Variants in ARHGAP39 observed in about 807,000 individuals in gnomAD.
ARHGAP39 encodes rho GTPase-activating protein 39.
A neutral mutation model predicts 106.9 loss-of-function variants in ARHGAP39; 44 were observed. The ratio of observed to expected loss-of-function variants is 0.41; its 90% CI spans 0.32 to 0.53. ARHGAP39 has a LOEUF of 0.53. ARHGAP39 is among the 20% of genes least tolerant of loss of function. The pLI is 0.21. For synonymous variants in ARHGAP39, 768 were observed against 693.2 expected (o/e 1.11, Z -1.69); for missense variants, 1,496 against 1,577.3 (o/e 0.95, Z 0.87).
At chr8:144,676,777 GAGCC>G (rs1822253822) in intron 1 of ARHGAP39, among the ~76,000 whole-genome samples, 1 of 152,244 alleles carries the variant, frequency 6.6e-6, no homozygotes. Context: ...CGAGCAGAGG[GAGCC>G]GGCTCTGGCC....
upstream of ARHGAP39, among the ~76,000 whole-genome samples, chr8:144,686,995 G>A (rs1472264487): frequency 3.9e-3 from 267 of 68,750 alleles, 32 homozygotes; most frequent in Middle Eastern, 0.019. Flanking sequence ...ACCACACACT[G>A]GCGGCGACCA....
At chr8:144,577,040 A>G (rs1052235648) in intron 3 of ARHGAP39, among the ~76,000 whole-genome samples, 4 of 152,166 alleles carry the variant, frequency 2.6e-5, no homozygotes, top group African/African-American at 4.8e-5. Flanking sequence ...ACACGCCACG[A>G]ATGTCTTTTA....
intron 3 of ARHGAP39, among the ~76,000 whole-genome samples, chr8:144,570,055 T>C (rs1027306726): frequency 3.3e-5 from 5 of 152,070 alleles, no homozygotes; most frequent in African/African-American, 9.7e-5. Context: ...ACCCCGTCTC[T>C]ACTAAAAATA....
At chr8:144,590,529 C>T (rs1021882197) in intron 2 of ARHGAP39, among the ~76,000 whole-genome samples, 1 of 152,060 alleles carries the variant, frequency 6.6e-6, no homozygotes, top group Non-Finnish European at 1.5e-5. Context: ...AGAAGCTGAG[C>T]AGATGCTGGC....
rs973591401 is a variant in ARHGAP39, at chr8:144,605,544, G to A, written c.71C>T (p.Ser24Leu). 16 of 1,613,768 alleles carry A rather than the reference G, an allele frequency of 9.9e-6. No individual in the cohort carries two copies. The highest frequency in any genetic ancestry group is 5.3e-5 in the African/African-American group (4 of 74,886). The change falls in exon 2 of 12, where the codon TCG becomes TTG. Residue 24 changes from serine (S) to leucine (L), a missense_variant. Ser to Leu is a moderately radical substitution (Grantham distance 145, BLOSUM62 -2). Coordinates refer to ENST00000377307, the MANE Select transcript of ARHGAP39 (RefSeq NM_025251.3). ...TCGGTCGGCTCCTTACCGAGTGTTCGACCCTGGAATCCTCGACTCCGGCAG... is the reference window on the plus strand; with the variant it reads ...TCGGTCGGCTCCTTACCGAGTGTTCAACCCTGGAATCCTCGACTCCGGCAG... ...VDLPESRIPG[S>L]NTRLEWVEII... is the part of the protein sequence containing the mutation.
intron 3 of ARHGAP39, among the ~76,000 whole-genome samples, chr8:144,558,984 G>A (rs753048503): frequency 2.0e-5 from 3 of 151,972 alleles, no homozygotes; most frequent in South Asian, 2.1e-4. Flanking sequence ...CAAGGTGGGC[G>A]GATCACAAGG....
rs965086455 is a variant in ARHGAP39, at chr8:144,670,696, C to G, written c.-82+14990G>C. ...TTCTCCTGCAGGCCCCAGACTCAAT[C>G]TCCCTCCTGGAGGCTTGCCCTGAGC... On this transcript the variant is annotated intron_variant, in intron 1 of 11. Coordinates refer to ENST00000377307, the MANE Select transcript of ARHGAP39 (RefSeq NM_025251.3). This position sits in a 1 kb window ranked among gnomAD's most constrained non-coding sequence, Gnocchi z 4.4. Among the ~76,000 whole-genome samples, 1 of 152,158 alleles carries G rather than the reference C, an allele frequency of 6.6e-6. No homozygotes were observed. Among genetic ancestry groups the G allele is most frequent in the Non-Finnish European group, 1.5e-5 (1 of 68,034 alleles).
At chr8:144,631,263 T>C (rs1442682405) in intron 1 of ARHGAP39, among the ~76,000 whole-genome samples, 1 of 152,146 alleles carries the variant, frequency 6.6e-6, no homozygotes, top group Non-Finnish European at 1.5e-5. Context: ...TTTGGGCAAA[T>C]ATCCAACCAT....
chr8:144,533,628 C>T (rs1440136820), intron 8 of ARHGAP39, among the ~76,000 whole-genome samples: 4 of 152,314 alleles, frequency 2.6e-5, no homozygotes, highest in East Asian at 3.9e-4. Context: ...CCAGAGTCAC[C>T]GTCTACAGCA....
intron 1 of ARHGAP39, among the ~76,000 whole-genome samples, chr8:144,619,164 C>T (rs771747814): frequency 1.1e-4 from 16 of 152,248 alleles, no homozygotes; most frequent in Non-Finnish European, 1.6e-4. Flanking sequence ...CAGGCGCTTG[C>T]TTCCAACGTC....
Position 144,547,899 on chromosome 8 carries a change from C to A in ARHGAP39, c.1187G>T (p.Arg396Leu). Residue 396 changes from arginine to leucine, a missense_variant, in exon 5 of 12, where the codon CGG (arginine) becomes CTG (leucine). By Grantham distance (102) the Arg-to-Leu change is moderately radical (BLOSUM62 -2). Around this residue, in one of 4 missense-constraint regions of ARHGAP39, gnomAD observed 905 missense variants for 816.4 expected, o/e 1.11. Coordinates refer to ENST00000377307, the MANE Select transcript of ARHGAP39 (RefSeq NM_025251.3). The surrounding 1 kb of genome is among the most constrained non-coding windows in gnomAD (Gnocchi z 5.2). ...CGCCTGCTCCACGTAGACCAGCTGC[C>A]GCACGTACTCCTTGCCGGCGGGACT... The part of the protein sequence containing the change: ...EYSPAGKEYV[R>L]QLVYVEQAGS... The A allele has an allele frequency of 6.3e-7, 1 of 1,583,128 alleles. No homozygotes were observed. Among genetic ancestry groups the A allele is most frequent in the Non-Finnish European group, 8.6e-7 (1 of 1,165,396 alleles).
Position 144,545,667 on chromosome 8 carries a change from G to A in ARHGAP39, c.2103C>T (p.His701=). 1 of 1,613,568 alleles carries A rather than the reference G, an allele frequency of 6.2e-7. No homozygotes were observed. The highest frequency in any genetic ancestry group is 8.5e-7 in the Non-Finnish European group (1 of 1,180,026). Residue 701 remains histidine, a synonymous_variant, in exon 6 of 12, where the codon CAC becomes CAT. Coordinates refer to ENST00000377307, the MANE Select transcript of ARHGAP39 (RefSeq NM_025251.3). ...AGAGGCCCTGCGTGTGCTTGTTGAA[G>A]TGCTTGGAGGCCCAGTTCTCGATGT... The part of the protein sequence containing the change: ...ETDIENWASK[H]FNKHTQGLFR...
chr8:144,632,208 G>GT (rs1417413115), intron 1 of ARHGAP39, among the ~76,000 whole-genome samples: 2 of 152,204 alleles, frequency 1.3e-5, no homozygotes. Flanking sequence ...TCCATGCACT[G>GT]TGAGTACACA....
intron 1 of ARHGAP39, among the ~76,000 whole-genome samples, chr8:144,626,981 T>C (rs999633885): frequency 6.6e-6 from 1 of 152,198 alleles, no homozygotes; most frequent in South Asian, 2.1e-4. Flanking sequence ...GTCGGGGCCA[T>C]GTTTGTCCCC....
chr8:144,693,512 T>C, the ARHGAP39 span, among the ~76,000 whole-genome samples: 1 of 152,186 alleles, frequency 6.6e-6, no homozygotes, highest in African/African-American at 2.4e-5. Context: ...TAGCTGGGAC[T>C]ACAGGCGCCC....
intron 1 of ARHGAP39, among the ~76,000 whole-genome samples, chr8:144,653,336 A>C (rs1361969483): frequency 6.6e-6 from 1 of 152,202 alleles, no homozygotes; most frequent in East Asian, 1.9e-4. Context: ...TTGAAATATG[A>C]AATAGAAACT....
chr8:144,648,498 C>T (rs1298683343), intron 1 of ARHGAP39, among the ~76,000 whole-genome samples: 1 of 152,306 alleles, frequency 6.6e-6, no homozygotes, highest in Non-Finnish European at 1.5e-5. Flanking sequence ...AAGAAAACAG[C>T]CTAGGAGGAA....
At chr8:144,536,827 C>T (rs1280542961) in intron 7 of ARHGAP39, among the ~76,000 whole-genome samples, 2 of 152,244 alleles carry the variant, frequency 1.3e-5, no homozygotes, top group African/African-American at 4.8e-5. Context: ...AAGCAAACCT[C>T]ATCCACAGAA....
upstream of ARHGAP39, among the ~76,000 whole-genome samples, chr8:144,689,787 CCA>C (rs1206225160): frequency 6.8e-6 from 1 of 147,584 alleles, no homozygotes; most frequent in African/African-American, 2.5e-5. Context: ...CTCTTGTCAC[CCA>C]GGCTAGAGTG....
Sources: allele counts gnomAD v4.1 joint callset (sites outside exome capture counted in the v4.1 genomes callset), GRCh38; gene constraint gnomAD v4.1.1; regional missense constraint gnomAD v4.1.1; non-coding constraint Gnocchi (gnomAD v3.1); transcripts MANE v1.5; gene names NCBI Gene and HGNC (gene_info 2026-07-23, HGNC 2026-07-21).